SEM1: variants seen among roughly 807,000 people sequenced by gnomAD.
SEM1 encodes the protein 26S proteasome complex subunit SEM1.
In SEM1, 3 loss-of-function variants were observed where a neutral mutation model predicts 12.7. The ratio of observed to expected loss-of-function variants is 0.24; its 90% confidence interval spans 0.11 to 0.61. The LOEUF is 0.61. Among genes scored for constraint, SEM1 ranks in the 20% least tolerant of loss-of-function variants. The pLI, the probability that SEM1 is intolerant of heterozygous loss-of-function variation, is 0.88. For synonymous variants in SEM1, 30 were observed against 27.8 expected (o/e 1.08, Z -0.25); for missense variants, 59 against 81.3 (o/e 0.73, Z 1.06).
At chr7:96,592,217 C>G (rs990914375) in intron 2 of SEM1, among the ~76,000 whole-genome samples, 1 of 151,514 alleles carries the variant, frequency 6.6e-6, no homozygotes, top group Non-Finnish European at 1.5e-5. Flanking sequence ...TAGGTAAGCC[C>G]GGGAAGAGGA....
chr7:96,705,359 C>CAAAA, intron 1 of SEM1, among the ~76,000 whole-genome samples: 1 of 142,186 alleles, frequency 7.0e-6, no homozygotes. Context: ...GCTTCTCTCT[C>CAAAA]AAAAAAAAAA....
intron 2 of SEM1, among the ~76,000 whole-genome samples, chr7:96,637,033 G>T (rs575925161): frequency 6.6e-6 from 1 of 152,182 alleles, no homozygotes; most frequent in South Asian, 2.1e-4. Context: ...AATTCTACTT[G>T]TATCTGACAC....
chr7:96,669,498 C>T (rs772338767), downstream of SEM1, among the ~76,000 whole-genome samples: 9 of 152,260 alleles, frequency 5.9e-5, no homozygotes, highest in East Asian at 5.8e-4. Flanking sequence ...ACAATATACA[C>T]GTGATTATTA....
chr7:96,644,942 G>C (rs1180323489), intron 2 of SEM1, among the ~76,000 whole-genome samples: 1 of 152,050 alleles, frequency 6.6e-6, no homozygotes, highest in South Asian at 2.1e-4. Context: ...CAGATTCCAA[G>C]AGTTTTTATA....
intron 2 of SEM1, among the ~76,000 whole-genome samples, chr7:96,625,946 A>T (rs1808047726): frequency 6.6e-6 from 1 of 152,138 alleles, no homozygotes. Context: ...TATAGGCATA[A>T]AATGTGTAAT....
chr7:96,564,735 A>G (rs1395329170), intron 2 of SEM1, among the ~76,000 whole-genome samples: 2 of 152,044 alleles, frequency 1.3e-5, no homozygotes, highest in Non-Finnish European at 2.9e-5. Context: ...TTAACATGAG[A>G]GAAAAATCTT....
chr7:96,672,025 T>G (rs1312928096), downstream of SEM1, among the ~76,000 whole-genome samples: 1 of 152,230 alleles, frequency 6.6e-6, no homozygotes, highest in Non-Finnish European at 1.5e-5. Context: ...CTGTGCCTGC[T>G]CTTAGGTCAG....
At chr7:96,597,323 A>G (rs1043279999) in intron 2 of SEM1, among the ~76,000 whole-genome samples, 2 of 152,190 alleles carry the variant, frequency 1.3e-5, no homozygotes, top group African/African-American at 2.4e-5. Context: ...TTTACCTTAG[A>G]TAAAGAGATT....
chr7:96,605,522 A>C (rs1456678095), intron 2 of SEM1, among the ~76,000 whole-genome samples: 1 of 152,196 alleles, frequency 6.6e-6, no homozygotes, highest in East Asian at 1.9e-4. Context: ...TTTAAACAAA[A>C]GCTCTCCAGA....
At chr7:96,556,084 C>T (rs1341445246) in intron 2 of SEM1, among the ~76,000 whole-genome samples, 4 of 152,068 alleles carry the variant, frequency 2.6e-5, no homozygotes, top group Non-Finnish European at 2.9e-5. Flanking sequence ...CTATGGGTGT[C>T]GCTGCACGTG....
At chr7:96,575,639 C>T (rs1392363800) in intron 2 of SEM1, among the ~76,000 whole-genome samples, 1 of 152,228 alleles carries the variant, frequency 6.6e-6, no homozygotes, top group Non-Finnish European at 1.5e-5. Flanking sequence ...ACTGGGGGTG[C>T]TGCCTTTCTT....
intron 2 of SEM1, among the ~76,000 whole-genome samples, chr7:96,513,295 C>T (rs1417263452): frequency 6.6e-6 from 1 of 152,044 alleles, no homozygotes; most frequent in Admixed American, 6.6e-5. Context: ...ACCCTGATTT[C>T]AGATTTCTAA....
chr7:96,660,486 AC>A (rs2116514818), intron 2 of SEM1, among the ~76,000 whole-genome samples: 1 of 152,310 alleles, frequency 6.6e-6, no homozygotes, highest in South Asian at 2.1e-4. Flanking sequence ...ACCACTCTGA[AC>A]ATAATAACTT....
intron 2 of SEM1, among the ~76,000 whole-genome samples, chr7:96,643,027 T>A (rs1208637629): frequency 1.3e-5 from 2 of 152,126 alleles, no homozygotes; most frequent in African/African-American, 4.8e-5. Flanking sequence ...AGGGGTTTAT[T>A]GTCCAGATTA....
chr7:96,623,677 C>T (rs533662065), intron 2 of SEM1, among the ~76,000 whole-genome samples: 3 of 151,176 alleles, frequency 2.0e-5, no homozygotes, highest in South Asian at 2.1e-4. Context: ...GGAAGAATAT[C>T]CTGATTTTGT....
chr7:96,700,940 T>C (rs775795377), intron 1 of SEM1, among the ~76,000 whole-genome samples: 8 of 152,160 alleles, frequency 5.3e-5, no homozygotes, highest in Middle Eastern at 3.2e-3. Context: ...TAAGTACTTG[T>C]GGAAAAACAT....
At chr7:96,508,832 G>A (rs1803836866) in intron 2 of SEM1, among the ~76,000 whole-genome samples, 2 of 152,090 alleles carry the variant, frequency 1.3e-5, no homozygotes, top group Admixed American at 1.3e-4. Flanking sequence ...TCTTCAGGAA[G>A]CCACATGGAA....
chr7:96,484,409 T>C (rs1802669341), intron 3 of SEM1, among the ~76,000 whole-genome samples: 1 of 152,168 alleles, frequency 6.6e-6, no homozygotes. Context: ...TGAAGATGAA[T>C]GAGAAGCTCT....
At position 96,615,290 on chromosome 7, in the gene SEM1, C is replaced by T. The variant is rs540744144; in HGVS notation, c.170+79508G>A. Among the ~76,000 whole-genome samples the T allele has an allele frequency of 4.9e-3, 597 of 122,372 alleles. 7 individuals carry two copies. Among genetic ancestry groups the T allele is most frequent in the Non-Finnish European group, 5.7e-3 (359 of 62,608 alleles). The allele number at this position is 122,372 out of a possible 152,430, so 80.3% of individuals were successfully genotyped here. A position where few individuals can be genotyped will look rare whatever the true frequency, so the allele number is the denominator to read the frequency against. Reference sequence around the variant, plus strand: ...TGGAGACAGAGTCTCGCTCTATTCCCCAGGCTGGCTGGAGTGCAGTAGTGC... The same window carrying T: ...TGGAGACAGAGTCTCGCTCTATTCCTCAGGCTGGCTGGAGTGCAGTAGTGC... On this transcript the variant is annotated intron_variant and NMD_transcript_variant, in intron 2 of 3. Coordinates refer to the SEM1 transcript ENST00000466986.
Sources: gnomAD v4.1 joint callset for allele counts (sites outside exome capture counted in the v4.1 genomes callset) on GRCh38, gnomAD v4.1.1 for gene constraint, MANE v1.5 for transcripts, NCBI Gene and HGNC (gene_info 2026-07-23, HGNC 2026-07-21) for gene names.